ZNF169: variants seen among roughly 807,000 people sequenced by gnomAD.
ZNF169 encodes zinc finger protein 169.
Under a neutral mutation model 12.0 loss-of-function variants are expected in ZNF169, and 11 were observed. The ratio of observed to expected loss-of-function variants is 0.92; its 90% CI spans 0.58 to 1.52. The LOEUF is 1.52. Among genes scored for constraint, ZNF169 ranks in the 40% most tolerant of loss-of-function variants. The pLI is 0.00. For missense variants in ZNF169, 722 were observed against 744.0 expected (o/e 0.97, Z 0.34); for synonymous variants, 302 against 286.5 (o/e 1.05, Z -0.55).
At chr9:94,270,966 AT>A (rs1205782125) in intron 1 of ZNF169, among the ~76,000 whole-genome samples, 4 of 10,244 alleles carry the variant, frequency 3.9e-4, no homozygotes, top group Non-Finnish European at 6.1e-4. Context: ...TAAATAATAT[AT>A]TATATATTAT....
rs368631905 is a variant in ZNF169, at chr9:94,270,719, ATAT to A, written c.-55-8035_-55-8033del. On this transcript the variant is annotated intron_variant, in intron 1 of 4. Coordinates refer to ENST00000395395, the MANE Select transcript of ZNF169 (RefSeq NM_194320.4). ...AATTTATATAATTATATAATATATAATATTATATATTATATAATTAATGTATTT... is the reference window on the plus strand; with the variant it reads ...AATTTATATAATTATATAATATATAATATATATTATATAATTAATGTATTT... Among the ~76,000 whole-genome samples the A allele has an allele frequency of 5.5e-3, 107 of 19,624 alleles. 3 individuals carry two copies. In the East Asian group the frequency reaches 0.1, roughly 19 times the overall value. The allele number at this position is 19,624 out of a possible 152,430, so 12.9% of individuals were successfully genotyped here.
At chr9:94,269,523 T>C (rs1830354985) in intron 1 of ZNF169, among the ~76,000 whole-genome samples, 1 of 152,082 alleles carries the variant, frequency 6.6e-6, no homozygotes, top group African/African-American at 2.4e-5. Flanking sequence ...CTGAAGACTG[T>C]CTCATTGCAA....
At chr9:94,276,884 T>C (rs1463507897) in intron 1 of ZNF169, among the ~76,000 whole-genome samples, 1 of 152,132 alleles carries the variant, frequency 6.6e-6, no homozygotes, top group African/African-American at 2.4e-5. Context: ...ATCCAGAATA[T>C]CATGATCACA....
chr9:94,299,091 C>T (rs755752910), intron 4 of ZNF169, among the ~76,000 whole-genome samples: 4 of 152,122 alleles, frequency 2.6e-5, no homozygotes, highest in Non-Finnish European at 5.9e-5. Context: ...AAACAGTGTA[C>T]GTAGTGTTGT....
intron 1 of ZNF169, among the ~76,000 whole-genome samples, chr9:94,264,981 G>A (rs1288178868): frequency 8.8e-6 from 1 of 113,280 alleles, no homozygotes; most frequent in South Asian, 2.8e-4. Context: ...TTTTTCCAGG[G>A]TTCTTTTACT....
intron 2 of ZNF169, among the ~76,000 whole-genome samples, chr9:94,284,757 G>A (rs1409447786): frequency 6.6e-6 from 1 of 152,122 alleles, no homozygotes; most frequent in East Asian, 1.9e-4. Flanking sequence ...TAAATGGAAA[G>A]ACTTTCCATG....
chr9:94,270,188 T>G (rs1830364609), intron 1 of ZNF169, among the ~76,000 whole-genome samples: 2 of 152,208 alleles, frequency 1.3e-5, no homozygotes, highest in Non-Finnish European at 2.9e-5. Flanking sequence ...CAGTCAGTAC[T>G]GAAGCAGTTG....
At chr9:94,283,132 C>T (rs1396114568) in intron 2 of ZNF169, among the ~76,000 whole-genome samples, 5 of 152,086 alleles carry the variant, frequency 3.3e-5, no homozygotes, top group Non-Finnish European at 5.9e-5. Flanking sequence ...GAGTAGGGGC[C>T]GGGTGTGTTG....
chr9:94,269,535 C>T (rs1830355153), intron 1 of ZNF169, among the ~76,000 whole-genome samples: 1 of 152,184 alleles, frequency 6.6e-6, no homozygotes, highest in Non-Finnish European at 1.5e-5. Context: ...TCATTGCAAG[C>T]TGCCAGCCAC....
chr9:94,299,416 A>G (rs373330996), intron 4 of ZNF169: 2 of 628,196 alleles, frequency 3.2e-6, no homozygotes. Flanking sequence ...TAGCACCTTC[A>G]AGATCATAAT....
intron 1 of ZNF169, among the ~76,000 whole-genome samples, chr9:94,278,425 G>C (rs1484310705): frequency 6.6e-6 from 1 of 152,188 alleles, no homozygotes; most frequent in Admixed American, 6.5e-5. Flanking sequence ...TTTGTTTTCA[G>C]TATGATGAGG....
chr9:94,282,727 T>A (rs186149711), intron 2 of ZNF169, among the ~76,000 whole-genome samples: 35 of 152,292 alleles, frequency 2.3e-4, no homozygotes, highest in Non-Finnish European at 3.5e-4. Context: ...ATATTTGTTG[T>A]GTACAGGAGA....
rs759775589 is a variant in ZNF169, at chr9:94,292,437, C to G, written c.130C>G (p.Leu44Val). ...GAGGACCCTGTACAGGGAGGTGATG[C>G]TGGAGAACTACAGCCATCTGGTCTC... ...AQRTLYREVM[L>V]ENYSHLVSLG... The change falls in exon 3 of 5, where the codon CTG becomes GTG. Residue 44 changes from leucine to valine, a missense_variant. Coordinates refer to ENST00000395395, the MANE Select transcript of ZNF169 (RefSeq NM_194320.4). 6.2e-7 allele frequency: 1 copy of G among 1,613,998 alleles called. No individual in the cohort carries two copies. The highest frequency in any genetic ancestry group is 1.7e-5 in the Admixed American group (1 of 60,010).
At chr9:94,270,037 A>G (rs2118558126) in intron 1 of ZNF169, among the ~76,000 whole-genome samples, 1 of 152,288 alleles carries the variant, frequency 6.6e-6, no homozygotes, top group East Asian at 1.9e-4. Flanking sequence ...GTTTAATCCT[A>G]AATGGATCCT....
chr9:94,299,202 C>T (rs1462947004), intron 4 of ZNF169, among the ~76,000 whole-genome samples: 1 of 152,208 alleles, frequency 6.6e-6, no homozygotes, highest in Admixed American at 6.5e-5. Flanking sequence ...TCCTCTTCTT[C>T]AAGAGGACTT....
At chr9:94,289,926 T>C (rs1407534652) in intron 2 of ZNF169, among the ~76,000 whole-genome samples, 1 of 152,000 alleles carries the variant, frequency 6.6e-6, no homozygotes, top group East Asian at 1.9e-4. Context: ...AACAAACAAA[T>C]AAAACTTAAA....
intron 1 of ZNF169, among the ~76,000 whole-genome samples, chr9:94,259,842 G>A (rs575217160): frequency 6.6e-6 from 1 of 152,286 alleles, no homozygotes; most frequent in African/African-American, 2.4e-5. Context: ...ATTAGTGGGA[G>A]GCACGCGGCT....
At chr9:94,266,516 T>C (rs190917600) in intron 1 of ZNF169, among the ~76,000 whole-genome samples, 3 of 152,324 alleles carry the variant, frequency 2.0e-5, no homozygotes, top group Non-Finnish European at 4.4e-5. Flanking sequence ...GCAACACATA[T>C]AAATAGGTTG....
At chr9:94,285,160 T>C (rs923237645) in intron 2 of ZNF169, among the ~76,000 whole-genome samples, 1 of 152,184 alleles carries the variant, frequency 6.6e-6, no homozygotes, top group Non-Finnish European at 1.5e-5. Flanking sequence ...ATACAAATGA[T>C]ACTTGGAAAA....
Sources: allele counts gnomAD v4.1 joint callset (sites outside exome capture counted in the v4.1 genomes callset), GRCh38; gene constraint gnomAD v4.1.1; transcripts MANE v1.5; gene names NCBI Gene and HGNC (gene_info 2026-07-23, HGNC 2026-07-21).